CHL1: variants seen among roughly 807,000 people sequenced by gnomAD.
The protein encoded by CHL1 is neural cell adhesion molecule L1-like protein.
CHL1 carries 96 observed loss-of-function variants against 141.9 expected under a neutral mutation model. That is an observed-to-expected ratio of 0.68 (90% confidence interval 0.57 to 0.80). The LOEUF is 0.80. CHL1 is among the 30% of genes least tolerant of loss of function. CHL1 has a pLI of 0.00. For synonymous variants in CHL1, 613 were observed against 502.2 expected (o/e 1.22, Z -2.95); for missense variants, 1,820 against 1,457.2 (o/e 1.25, Z -4.05).
At chr3:287,329 C>T (rs1263224673) in intron 2 of CHL1, among the ~76,000 whole-genome samples, 1 of 152,168 alleles carries the variant, frequency 6.6e-6, no homozygotes, top group Admixed American at 6.5e-5. Flanking sequence ...GTGCCAGGTA[C>T]ATGCAGACAC....
intron 2 of CHL1, among the ~76,000 whole-genome samples, chr3:304,291 G>A (rs970103268): frequency 3.3e-5 from 5 of 152,132 alleles, no homozygotes; most frequent in Non-Finnish European, 4.4e-5. Context: ...TTTTCCTGTT[G>A]TTTGGAATAG....
intron 4 of CHL1, among the ~76,000 whole-genome samples, chr3:326,568 C>T (rs1005012257): frequency 6.6e-6 from 1 of 151,510 alleles, no homozygotes; most frequent in South Asian, 2.1e-4. Context: ...TGATATACTA[C>T]TATCTAGTAT....
At chr3:206,132 G>A (rs1389247151) in intron 1 of CHL1, among the ~76,000 whole-genome samples, 1 of 152,206 alleles carries the variant, frequency 6.6e-6, no homozygotes, top group Non-Finnish European at 1.5e-5. Context: ...GGTATTAGAT[G>A]ATAATGCATA....
intron 11 of CHL1, among the ~76,000 whole-genome samples, chr3:358,393 G>A (rs769493530): frequency 6.6e-6 from 1 of 151,968 alleles, no homozygotes; most frequent in African/African-American, 2.4e-5. Flanking sequence ...AGCCCACTTG[G>A]GTCATCCAGA....
chr3:245,537 T>G (rs904761400), intron 2 of CHL1, among the ~76,000 whole-genome samples: 1 of 151,996 alleles, frequency 6.6e-6, no homozygotes, highest in Non-Finnish European at 1.5e-5. Context: ...CAAAAACGAG[T>G]AATTTTTTTC....
chr3:219,908 C>T (rs1313551473), intron 1 of CHL1, among the ~76,000 whole-genome samples: 1 of 152,148 alleles, frequency 6.6e-6, no homozygotes, highest in Admixed American at 6.5e-5. Context: ...CTAAGATAGA[C>T]AACCTCATGA....
At chr3:286,469 G>A (rs1244045754) in intron 2 of CHL1, among the ~76,000 whole-genome samples, 1 of 151,998 alleles carries the variant, frequency 6.6e-6, no homozygotes, top group East Asian at 1.9e-4. Flanking sequence ...AAATTAGCCA[G>A]GCATGGTGAC....
chr3:248,219 C>T (rs894534222), intron 2 of CHL1: 2 of 152,034 alleles, frequency 1.3e-5, no homozygotes, highest in Admixed American at 6.6e-5. Context: ...GTTGCTTTTA[C>T]TCAAATCAAG....
chr3:337,608 C>T (rs1486482367), intron 5 of CHL1, among the ~76,000 whole-genome samples: 1 of 149,832 alleles, frequency 6.7e-6, no homozygotes, highest in Non-Finnish European at 1.5e-5. Context: ...TGAGTGAGAA[C>T]ATGCAATGTT....
intron 2 of CHL1, among the ~76,000 whole-genome samples, chr3:263,424 T>A (rs940627146): frequency 2.0e-5 from 3 of 152,236 alleles, no homozygotes; most frequent in Non-Finnish European, 2.9e-5. Flanking sequence ...AACTGTTTCT[T>A]TGTATCCTTG....
At chr3:341,007 A>G (rs1410595130) in intron 6 of CHL1, 91 bp downstream of exon 6, 4 of 1,346,958 alleles carry the variant, frequency 3.0e-6, no homozygotes, top group African/African-American at 1.5e-5. Context: ...CAAAATAAAA[A>G]ATAAAGATCT....
chr3:302,942 G>T (rs1438650416), intron 2 of CHL1, among the ~76,000 whole-genome samples: 1 of 152,138 alleles, frequency 6.6e-6, no homozygotes, highest in Non-Finnish European at 1.5e-5. Flanking sequence ...AAGGGGTCCA[G>T]TTTCAGTTTT....
In CHL1 at chr3:398,212, G is replaced by C. The variant is rs1415202033; in HGVS notation, c.3095-15G>C. On this transcript the variant is annotated splice_polypyrimidine_tract_variant and intron_variant, in intron 24 of 27. Transcript: ENST00000256509. ...TGATTACAATTCACATGATTTAACT[G>C]TGTACATTTCTTAGGTAAAGGTATC... 1 of 1,560,604 alleles carries C rather than the reference G, an allele frequency of 6.4e-7. No individual in the cohort carries two copies. Among genetic ancestry groups the C allele is most frequent in the African/African-American group, 1.4e-5 (1 of 73,416 alleles).
At chr3:243,551 C>T (rs971787886) in intron 1 of CHL1, among the ~76,000 whole-genome samples, 14 of 152,136 alleles carry the variant, frequency 9.2e-5, no homozygotes, top group Non-Finnish European at 1.5e-4. Flanking sequence ...AAAGCAGTGA[C>T]GACTTTTCTT....
chr3:327,224 C>T (rs1441571168), intron 4 of CHL1, among the ~76,000 whole-genome samples: 1 of 151,914 alleles, frequency 6.6e-6, no homozygotes, highest in East Asian at 1.9e-4. Flanking sequence ...AGAATAATCA[C>T]ATAGATTAGT....
At chr3:271,243 T>C (rs1005778211) in intron 2 of CHL1, among the ~76,000 whole-genome samples, 2 of 152,198 alleles carry the variant, frequency 1.3e-5, no homozygotes, top group Admixed American at 6.5e-5. Flanking sequence ...AGTTTTCTCT[T>C]ACCAAAATGA....
At chr3:324,583 T>C (rs1228256624) in intron 3 of CHL1, among the ~76,000 whole-genome samples, 1 of 151,652 alleles carries the variant, frequency 6.6e-6, no homozygotes, top group Non-Finnish European at 1.5e-5. Context: ...CTCTACTAGG[T>C]GAGAGGCAAA....
chr3:312,810 C>T (rs1254115375), intron 2 of CHL1, among the ~76,000 whole-genome samples: 10 of 152,136 alleles, frequency 6.6e-5, no homozygotes, highest in Non-Finnish European at 7.4e-5. Flanking sequence ...TTAAACATTT[C>T]CGAGTTATAG....
At chr3:304,072 A>G (rs1341032410) in intron 2 of CHL1, among the ~76,000 whole-genome samples, 2 of 152,256 alleles carry the variant, frequency 1.3e-5, no homozygotes, top group East Asian at 3.9e-4. Context: ...CCAGGTACGA[A>G]GCCAACTTCG....
Sources: gnomAD v4.1 joint callset for allele counts (sites outside exome capture counted in the v4.1 genomes callset) on GRCh38, gnomAD v4.1.1 for gene constraint, MANE v1.5 for transcripts, NCBI Gene and HGNC (gene_info 2026-07-23, HGNC 2026-07-21) for gene names.